The following RANBP3 variants were observed in gnomAD, a reference collection of about 807,000 sequenced individuals.
RANBP3 encodes RAN binding protein 3, also known as ran-binding protein 3.
A neutral mutation model predicts 77.3 loss-of-function variants in RANBP3; 14 were observed. The ratio of observed to expected loss-of-function variants is 0.18; its 90% CI spans 0.12 to 0.28. The LOEUF (loss-of-function observed/expected upper bound fraction) is 0.28. Ranked by LOEUF, RANBP3 falls within the 10% of genes least tolerant of loss-of-function variation. The pLI is 1.00. For synonymous variants in RANBP3, 315 were observed against 312.4 expected (o/e 1.01, Z -0.09); for missense variants, 586 against 752.3 (o/e 0.78, Z 2.59).
chr19:5,925,924 T>C (rs2057902233), intron 9 of RANBP3, among the ~76,000 whole-genome samples, 187 bp from the exon 10 acceptor site: 1 of 152,162 alleles, frequency 6.6e-6, no homozygotes, highest in African/African-American at 2.4e-5. Context: ...CATCACCTTT[T>C]GCTTTAACAG....
In RANBP3 at chr19:5,958,859, G is replaced by T. The variant is rs1267570822; in HGVS notation, c.23-886C>A. Reference sequence around the variant, plus strand: ...ACTGAGGGCCTAGCGTGGAGGCCAAGCAAGAGCAGCTGTGACTCTGGTGAA... The same window carrying T: ...ACTGAGGGCCTAGCGTGGAGGCCAATCAAGAGCAGCTGTGACTCTGGTGAA... On this transcript the variant is annotated intron_variant, in intron 1 of 16. Transcript: ENST00000340578. The surrounding 1 kb of genome is among the most constrained non-coding windows in gnomAD (Gnocchi z 4.4). Among the ~76,000 whole-genome samples the T allele has an allele frequency of 2.6e-5, 4 of 152,286 alleles. No homozygotes were observed. Among genetic ancestry groups the T allele is most frequent in the Non-Finnish European group, 5.9e-5 (4 of 68,054 alleles).
At chr19:5,957,997 T>C (rs1344753171) in intron 1 of RANBP3, 24 bp from the exon 2 acceptor site, 16 of 1,612,878 alleles carry the variant, frequency 9.9e-6, no homozygotes, top group Middle Eastern at 3.3e-4. Flanking sequence ...AATTAGTTTT[T>C]TTCCCCCCAA....
chr19:5,922,907 T>G (rs886408200), intron 13 of RANBP3, among the ~76,000 whole-genome samples: 40 of 152,234 alleles, frequency 2.6e-4, no homozygotes, highest in African/African-American at 9.6e-4. Context: ...GCCACTGTAC[T>G]CCAGCCTGGG....
At chr19:5,969,216 T>C (rs767288969) in intron 1 of RANBP3, among the ~76,000 whole-genome samples, 3 of 152,210 alleles carry the variant, frequency 2.0e-5, no homozygotes, top group Non-Finnish European at 2.9e-5. Context: ...GCCCAGGCTC[T>C]GGACTCTTAG....
intron 1 of RANBP3, among the ~76,000 whole-genome samples, chr19:5,973,048 C>G (rs1170167361): frequency 6.6e-6 from 1 of 152,168 alleles, no homozygotes; most frequent in Non-Finnish European, 1.5e-5. Context: ...AGCCTGGATA[C>G]CCCTTGGGTA....
At chr19:5,925,303 T>C in intron 10 of RANBP3, 1 of 481,922 alleles carries the variant, frequency 2.1e-6, no homozygotes, top group South Asian at 2.3e-5. Context: ...GGCGCCTGAG[T>C]CGCCTCTGGC....
intron 1 of RANBP3, among the ~76,000 whole-genome samples, chr19:5,973,351 T>A (rs182564235): frequency 1.3e-5 from 2 of 152,262 alleles, no homozygotes; most frequent in Non-Finnish European, 2.9e-5. Flanking sequence ...AATCAGTAGT[T>A]CTCAACTGAA....
rs899853899 is a variant in RANBP3 at position 5,952,931 on chromosome 19, G to C, written c.79-1335C>G. On this transcript the variant is annotated intron_variant, in intron 2 of 16. Coordinates refer to ENST00000340578, the MANE Select transcript of RANBP3 (RefSeq NM_007322.3). The surrounding 1 kb of genome is among the most constrained non-coding windows in gnomAD (Gnocchi z 4.1). Reference sequence around the variant, plus strand: ...CATGTCTGTTGCTACTTGATGGTGAGAGACTTAACACCTCACAAGAGAAAA... The same window carrying C: ...CATGTCTGTTGCTACTTGATGGTGACAGACTTAACACCTCACAAGAGAAAA... Among the ~76,000 whole-genome samples, 1 of 152,166 alleles carries C rather than the reference G, an allele frequency of 6.6e-6. No individual in the cohort carries two copies. The highest frequency in any genetic ancestry group is 2.4e-5 in the African/African-American group (1 of 41,436).
intron 1 of RANBP3, chr19:5,966,021 T>C (rs776920732): frequency 2.0e-5 from 3 of 152,222 alleles, no homozygotes; most frequent in Non-Finnish European, 4.4e-5. Context: ...CCCCGGCCCA[T>C]GCTCCTGAGT....
chr19:5,960,728 G>T (rs2058389611), intron 1 of RANBP3, among the ~76,000 whole-genome samples: 1 of 152,368 alleles, frequency 6.6e-6, no homozygotes, highest in Non-Finnish European at 1.5e-5. Flanking sequence ...CCGTGTCGGT[G>T]GATCTGCAGG....
intron 7 of RANBP3, among the ~76,000 whole-genome samples, chr19:5,931,974 G>A (rs938865751): frequency 1.3e-5 from 2 of 152,142 alleles, no homozygotes; most frequent in African/African-American, 4.8e-5. Flanking sequence ...GTTCGAGGCT[G>A]CAGTGAGCTA....
chr19:5,957,861 G>A, intron 2 of RANBP3, 57 bp downstream of exon 2: 1 of 1,582,986 alleles, frequency 6.3e-7, no homozygotes, highest in African/African-American at 1.3e-5. Flanking sequence ...GAGACTCTCA[G>A]TAAAGAGAGA....
intron 1 of RANBP3, among the ~76,000 whole-genome samples, chr19:5,962,939 GC>G (rs1173380944): frequency 6.6e-6 from 1 of 152,108 alleles, no homozygotes; most frequent in Non-Finnish European, 1.5e-5. Context: ...TGTGAACACC[GC>G]TACCTCCAAC....
chr19:5,936,871 G>GA (rs2058070916), intron 5 of RANBP3, among the ~76,000 whole-genome samples: 1 of 151,832 alleles, frequency 6.6e-6, no homozygotes. Flanking sequence ...TCCTTCCAGT[G>GA]AACACCACTA....
In RANBP3 at chr19:5,928,256, A is replaced by G. The variant is rs1441222640; in HGVS notation, c.694-169T>C. The G allele has an allele frequency of 5.5e-6, 4 of 732,886 alleles. No individual in the cohort carries two copies. In the African/African-American group the frequency reaches 7.2e-5, roughly 13 times the overall value. 45.4% of individuals were successfully genotyped at this position (732,886 alleles called of 1,614,324 possible). Reference sequence around the variant, plus strand: ...GACAGGAGGACTGCTTGAGCCTGGGAGTTGTAGTGAGCTGAGATCACACCA... The same window carrying G: ...GACAGGAGGACTGCTTGAGCCTGGGGGTTGTAGTGAGCTGAGATCACACCA... On this transcript the variant is annotated intron_variant, in intron 8 of 16. Transcript: ENST00000340578.
intron 9 of RANBP3, 58 bp from the exon 10 acceptor site, chr19:5,925,795 A>G: frequency 7.1e-7 from 1 of 1,411,758 alleles, no homozygotes; most frequent in Non-Finnish European, 1.0e-6. Context: ...GGAGTTCCAC[A>G]GCTCAGTGTC....
Position 5,924,921 on chromosome 19 carries a change from G to A in RANBP3, c.918-16C>T. On this transcript the variant is annotated splice_polypyrimidine_tract_variant and intron_variant, in intron 10 of 16. Coordinates refer to ENST00000340578, the MANE Select transcript of RANBP3 (RefSeq NM_007322.3). This position sits in a 1 kb window ranked among gnomAD's most constrained non-coding sequence, Gnocchi z 4.7. ...GTTCTCTAAACTGAAGAGAAGATGT[G>A]CAATGAGTGTGGGGCGTCACGTGGG... 6.2e-7 allele frequency: 1 copy of A among 1,609,316 alleles called. No individual in the cohort carries two copies. The highest frequency in any genetic ancestry group is 8.5e-7 in the Non-Finnish European group (1 of 1,175,614).
intron 1 of RANBP3, among the ~76,000 whole-genome samples, chr19:5,969,165 C>A (rs2058502385): frequency 6.6e-6 from 1 of 152,212 alleles, no homozygotes; most frequent in South Asian, 2.1e-4. Flanking sequence ...GCCTTGCAGG[C>A]CATGCTGACA....
intron 3 of RANBP3, among the ~76,000 whole-genome samples, chr19:5,948,506 T>C (rs2058236368): frequency 6.6e-6 from 1 of 151,326 alleles, no homozygotes; most frequent in African/African-American, 2.4e-5. Flanking sequence ...CCAAGCGGTG[T>C]ACCAGGGCCT....
Sources: allele counts gnomAD v4.1 joint callset (sites outside exome capture counted in the v4.1 genomes callset), GRCh38; gene constraint gnomAD v4.1.1; non-coding constraint Gnocchi (gnomAD v3.1); transcripts MANE v1.5; gene names NCBI Gene and HGNC (gene_info 2026-07-23, HGNC 2026-07-21).